Variants in NACC2 observed in about 807,000 individuals in gnomAD.
NACC2 encodes the protein nucleus accumbens-associated protein 2.
Under a neutral mutation model 25.1 loss-of-function variants are expected in NACC2, and 8 were observed. That is an observed-to-expected ratio of 0.32 (90% CI 0.19 to 0.57). NACC2 has a LOEUF of 0.57. NACC2 is among the 20% of genes least tolerant of loss of function. NACC2 has a pLI of 0.89. For synonymous variants in NACC2, 435 were observed against 294.7 expected (o/e 1.48, Z -4.88); for missense variants, 644 against 650.2 (o/e 0.99, Z 0.10).
chr9:136,073,782 G>A (rs1308905104), intron 1 of NACC2, among the ~76,000 whole-genome samples: 1 of 152,168 alleles, frequency 6.6e-6, no homozygotes, highest in Admixed American at 6.5e-5. Context: ...TTGTTTTAAA[G>A]GTGCTTATGC....
intron 1 of NACC2, among the ~76,000 whole-genome samples, chr9:136,088,173 A>C (rs1055664046): frequency 3.3e-5 from 5 of 152,192 alleles, no homozygotes; most frequent in Non-Finnish European, 7.3e-5. Flanking sequence ...GTGCAGGGTC[A>C]GCGGAATTTT....
intron 2 of NACC2, among the ~76,000 whole-genome samples, chr9:136,034,712 A>C (rs1281763943): frequency 2.6e-5 from 4 of 152,174 alleles, no homozygotes; most frequent in African/African-American, 9.7e-5. Context: ...TAAATGAAGG[A>C]ATAAAACCAG....
intron 1 of NACC2, among the ~76,000 whole-genome samples, chr9:136,080,780 G>A (rs1050766381): frequency 2.0e-5 from 3 of 152,174 alleles, no homozygotes; most frequent in East Asian, 1.9e-4. Flanking sequence ...AGACCCCAGC[G>A]GAGTCACTGC....
chr9:136,084,393 C>T lies in NACC2; in HGVS notation c.-60+10796G>A, dbSNP rs113919820. 9.5e-3 allele frequency among the ~76,000 whole-genome samples: 1,444 copies of T among 152,276 alleles called. 19 individuals carry two copies. The highest frequency in any genetic ancestry group is 0.032 in the African/African-American group (1,343 of 41,530). On this transcript the variant is annotated intron_variant, in intron 1 of 5. Transcript: ENST00000277554. This position sits in a 1 kb window ranked among gnomAD's most constrained non-coding sequence, Gnocchi z 5.1. ...CGAGACTCATCCATCACACAGACACCTCCTACGCAATGTCCGGTCTCCGCT... is the reference window on the plus strand; with the variant it reads ...CGAGACTCATCCATCACACAGACACTTCCTACGCAATGTCCGGTCTCCGCT...
chr9:136,027,525 G>A (rs977858736), intron 2 of NACC2, among the ~76,000 whole-genome samples: 4 of 152,090 alleles, frequency 2.6e-5, no homozygotes, highest in African/African-American at 9.7e-5. Context: ...TGCATTCTAT[G>A]TCCACTGGAA....
At chr9:136,072,411 G>A (rs1830202592) in intron 1 of NACC2, among the ~76,000 whole-genome samples, 1 of 152,114 alleles carries the variant, frequency 6.6e-6, no homozygotes, top group Admixed American at 6.6e-5. Flanking sequence ...CGGGCGTGCT[G>A]GTGTACACCT....
At chr9:136,081,732 G>A (rs1047551596) in intron 1 of NACC2, among the ~76,000 whole-genome samples, 1 of 152,178 alleles carries the variant, frequency 6.6e-6, no homozygotes, top group African/African-American at 2.4e-5. Flanking sequence ...TCGGGCCCTG[G>A]GGCACCATCC....
chr9:136,032,891 G>A (rs983453153), intron 2 of NACC2, among the ~76,000 whole-genome samples: 3 of 152,172 alleles, frequency 2.0e-5, no homozygotes, highest in East Asian at 3.9e-4. Context: ...GGTGGCAGGC[G>A]CCTGTAATCC....
rs888219977 is a variant in NACC2, at chr9:136,040,272, G to A, written c.886+9364C>T. On this transcript the variant is annotated intron_variant, in intron 2 of 5. Transcript: ENST00000277554. The stretch of plus-strand genomic sequence containing the variant: ...AGGCAGGAGAATGGCGTGAACCCAG[G>A]AGGCAGAGGTTGCAGTGAGCCAAGA... Among the ~76,000 whole-genome samples, 4 of 151,952 alleles carry A rather than the reference G, an allele frequency of 2.6e-5. No individual in the cohort carries two copies. In the South Asian group the frequency reaches 6.2e-4, roughly 24 times the overall value.
Position 136,018,201 on chromosome 9 carries a change from T to A in NACC2, c.887-1772A>T, listed in dbSNP as rs540752954. Among the ~76,000 whole-genome samples, 3 of 152,008 alleles carry A rather than the reference T, an allele frequency of 2.0e-5. No individual in the cohort carries two copies. The East Asian group carries it at 5.8e-4, about 30-fold the overall frequency. On this transcript the variant is annotated intron_variant, in intron 2 of 5. Transcript: ENST00000277554. The surrounding 1 kb of genome is among the most constrained non-coding windows in gnomAD (Gnocchi z 4.4). ...CCATGCTGTCCCTGTTCCCAGTCCC[T>A]CCATGACCCCCACCTTGGAGAGTCA... is the stretch of plus-strand genomic sequence containing the variant.
At chr9:136,060,265 T>C (rs1384063500) in intron 1 of NACC2, among the ~76,000 whole-genome samples, 1 of 152,066 alleles carries the variant, frequency 6.6e-6, no homozygotes, top group Non-Finnish European at 1.5e-5. Flanking sequence ...CGAAGAATCT[T>C]GTGTAAAAGA....
intron 1 of NACC2, among the ~76,000 whole-genome samples, chr9:136,091,365 G>A (rs7876016): frequency 0.014 from 2,143 of 152,306 alleles, 51 homozygotes; most frequent in African/African-American, 0.048. Flanking sequence ...TGGGCTGGGC[G>A]TTCTCCCAGG....
At chr9:136,049,161 C>T (rs1042670346) in intron 2 of NACC2, among the ~76,000 whole-genome samples, 5 of 152,226 alleles carry the variant, frequency 3.3e-5, no homozygotes, top group Non-Finnish European at 7.3e-5. Flanking sequence ...ACTGCTCACT[C>T]GGCTCAGCAC....
intron 1 of NACC2, among the ~76,000 whole-genome samples, chr9:136,060,896 A>G (rs1175896760): frequency 6.6e-6 from 1 of 152,136 alleles, no homozygotes; most frequent in Non-Finnish European, 1.5e-5. Flanking sequence ...GAAGCCCCCC[A>G]ACACAGCCAG....
chr9:136,016,200 A>G, intron 3 of NACC2, 65 bp downstream of exon 3: 6 of 1,478,710 alleles, frequency 4.1e-6, no homozygotes, highest in Non-Finnish European at 5.6e-6. Flanking sequence ...AGAGCTCTCC[A>G]ATAAATAAAT....
intron 1 of NACC2, among the ~76,000 whole-genome samples, chr9:136,090,834 C>T (rs994667218): frequency 6.6e-6 from 1 of 150,992 alleles, no homozygotes; most frequent in East Asian, 2.0e-4. Context: ...TGGGGCCGGC[C>T]AGCCCTGGGC....
At chr9:136,042,176 T>C (rs1840643338) in intron 2 of NACC2, among the ~76,000 whole-genome samples, 2 of 152,080 alleles carry the variant, frequency 1.3e-5, no homozygotes, top group African/African-American at 4.8e-5. Context: ...TTAGTAGAGA[T>C]GGGGTTTCAC....
intron 2 of NACC2, among the ~76,000 whole-genome samples, chr9:136,023,048 AGGAGG>A (rs1840316653): frequency 1.5e-4 from 1 of 6,536 alleles, no homozygotes; most frequent in Non-Finnish European, 3.1e-4. Flanking sequence ...GAGGGAGGGA[AGGAGG>A]GAGGAAGGAG....
chr9:136,068,112 G>C (rs1195614018), intron 1 of NACC2, among the ~76,000 whole-genome samples: 2 of 152,240 alleles, frequency 1.3e-5, no homozygotes, highest in African/African-American at 4.8e-5. Context: ...TGAGTAGTGA[G>C]AGAATGTGAA....
Sources: allele counts gnomAD v4.1 joint callset (sites outside exome capture counted in the v4.1 genomes callset), GRCh38; gene constraint gnomAD v4.1.1; non-coding constraint Gnocchi (gnomAD v3.1); transcripts MANE v1.5; gene names NCBI Gene and HGNC (gene_info 2026-07-23, HGNC 2026-07-21).